STAU2: variants seen among roughly 807,000 people sequenced by gnomAD.
STAU2 encodes staufen double-stranded RNA binding protein 2, also known as double-stranded RNA-binding protein Staufen homolog 2.
STAU2 carries 20 observed loss-of-function variants against 65.9 expected under a neutral mutation model. The observed-to-expected ratio is 0.30, with a 90% CI of 0.21 to 0.44. The LOEUF (loss-of-function observed/expected upper bound fraction) is 0.44. STAU2 is among the 20% of genes least tolerant of loss of function. The probability of loss-of-function intolerance (pLI) is 1.00; values close to 1 mark genes in which losing one functional copy is unlikely to be tolerated. For synonymous variants in STAU2, 232 were observed against 233.9 expected (o/e 0.99, Z 0.07); for missense variants, 558 against 683.9 (o/e 0.82, Z 2.05).
intron 12 of STAU2, 72 bp from the exon 13 acceptor site, chr8:73,552,391 A>C: frequency 1.6e-5 from 22 of 1,345,314 alleles, no homozygotes; most frequent in Non-Finnish European, 1.9e-5. Flanking sequence ...TTATTAACTC[A>C]ATGGCTTTAC....
chr8:73,667,053 C>T (rs1004840651), intron 6 of STAU2, among the ~76,000 whole-genome samples: 5 of 152,170 alleles, frequency 3.3e-5, no homozygotes, highest in Admixed American at 6.5e-5. Flanking sequence ...GCTCCAACTA[C>T]TCTTGTGGTG....
intron 6 of STAU2, among the ~76,000 whole-genome samples, chr8:73,635,596 G>C (rs952673366): frequency 6.6e-5 from 10 of 152,104 alleles, no homozygotes; most frequent in African/African-American, 2.2e-4. Context: ...GGAGGCCAAG[G>C]TGGGTGGATC....
intron 6 of STAU2, among the ~76,000 whole-genome samples, chr8:73,628,637 T>C (rs1004540350): frequency 6.6e-6 from 1 of 152,198 alleles, no homozygotes; most frequent in Non-Finnish European, 1.5e-5. Context: ...AAAATACTTA[T>C]AAAACTTCTA....
At chr8:73,482,550 CAGTA>C (rs1820689613) in intron 13 of STAU2, among the ~76,000 whole-genome samples, 3 of 152,202 alleles carry the variant, frequency 2.0e-5, no homozygotes, top group South Asian at 4.2e-4. Flanking sequence ...TTTTAGGAGA[CAGTA>C]ACAGAAGTGA....
intron 6 of STAU2, among the ~76,000 whole-genome samples, chr8:73,665,746 T>C (rs1342455565): frequency 2.0e-5 from 3 of 152,136 alleles, no homozygotes; most frequent in Non-Finnish European, 2.9e-5. Flanking sequence ...CTGTGGGGAA[T>C]TGTTTCCAGG....
intron 10 of STAU2, among the ~76,000 whole-genome samples, chr8:73,596,168 T>G (rs1350971356): frequency 1.3e-5 from 2 of 152,000 alleles, no homozygotes; most frequent in Non-Finnish European, 2.9e-5. Context: ...TCAACTCTAT[T>G]ATTTCCTAGC....
intron 13 of STAU2, among the ~76,000 whole-genome samples, chr8:73,506,241 A>C (rs559478137): frequency 6.6e-6 from 1 of 152,310 alleles, no homozygotes; most frequent in African/African-American, 2.4e-5. Flanking sequence ...GAACATTTTC[A>C]TCACCACAAA....
At chr8:73,565,144 C>A (rs1255820560) in intron 12 of STAU2, among the ~76,000 whole-genome samples, 1 of 152,202 alleles carries the variant, frequency 6.6e-6, no homozygotes, top group Admixed American at 6.5e-5. Context: ...GGCTCTGAGT[C>A]TGCACCCAAA....
chr8:73,478,503 C>T (rs1339630977), intron 13 of STAU2, among the ~76,000 whole-genome samples: 1 of 151,644 alleles, frequency 6.6e-6, no homozygotes, highest in East Asian at 1.9e-4. Context: ...TTCCCCTCCA[C>T]TTTTTTATAC....
intron 9 of STAU2, among the ~76,000 whole-genome samples, chr8:73,611,764 T>C (rs1450612721): frequency 6.6e-6 from 1 of 151,884 alleles, no homozygotes; most frequent in East Asian, 1.9e-4. Flanking sequence ...CCTCAACCTC[T>C]GCCTCCTAGG....
intron 13 of STAU2, among the ~76,000 whole-genome samples, chr8:73,499,333 G>T (rs1415094595): frequency 1.3e-5 from 2 of 151,852 alleles, no homozygotes; most frequent in Non-Finnish European, 2.9e-5. Flanking sequence ...ATCAAAATGT[G>T]GCTAGTAGTG....
intron 6 of STAU2, among the ~76,000 whole-genome samples, chr8:73,637,038 T>A (rs543437930): frequency 3.1e-3 from 475 of 151,878 alleles, no homozygotes; most frequent in Non-Finnish European, 5.1e-3. Context: ...TGGATAGACA[T>A]AATAGCCAAA....
In STAU2 at chr8:73,683,057, C is replaced by G. The variant is rs146593597; in HGVS notation, c.274+5597G>C. Among the ~76,000 whole-genome samples, 1,129 of 152,222 alleles carry G rather than the reference C, an allele frequency of 7.4e-3. 10 individuals are homozygous for G. The highest frequency in any genetic ancestry group is 0.027 in the Middle Eastern group (8 of 294). The stretch of plus-strand genomic sequence containing the variant: ...TTCAAAAAAAGAACTGGTATTAATC[C>G]TATTGGCACTATTCCAAAAGACAGA... On this transcript the variant is annotated intron_variant, in intron 5 of 14. Transcript: ENST00000524300.
chr8:73,618,371 G>C (rs929006027), intron 6 of STAU2, among the ~76,000 whole-genome samples: 4 of 152,244 alleles, frequency 2.6e-5, no homozygotes, highest in Non-Finnish European at 5.9e-5. Context: ...AAATAAGTTA[G>C]GGAACAAGCC....
intron 6 of STAU2, chr8:73,670,387 G>C (rs1193699985): frequency 6.6e-6 from 1 of 151,924 alleles, no homozygotes; most frequent in Non-Finnish European, 1.5e-5. Context: ...GGGAGAAAAA[G>C]ACGGACTAGA....
At chr8:73,605,016 C>T (rs1811906484) in intron 9 of STAU2, among the ~76,000 whole-genome samples, 1 of 151,728 alleles carries the variant, frequency 6.6e-6, no homozygotes, top group African/African-American at 2.4e-5. Context: ...GAATATTCAT[C>T]AATAAAAGAA....
chr8:73,464,759 T>C (rs1261664979), intron 13 of STAU2, among the ~76,000 whole-genome samples: 1 of 152,178 alleles, frequency 6.6e-6, no homozygotes, highest in Non-Finnish European at 1.5e-5. Context: ...GGAATCCAAA[T>C]TGAATATAGC....
intron 12 of STAU2, among the ~76,000 whole-genome samples, chr8:73,560,091 T>A (rs1808099371): frequency 1.4e-5 from 2 of 145,540 alleles, no homozygotes; most frequent in South Asian, 2.3e-4. Flanking sequence ...TTTTTTTTTT[T>A]TTTTTTTGAG....
At chr8:73,737,714 T>C (rs1806544973) in intron 3 of STAU2, among the ~76,000 whole-genome samples, 1 of 152,056 alleles carries the variant, frequency 6.6e-6, no homozygotes, top group African/African-American at 2.4e-5. Flanking sequence ...AAGTATTTTC[T>C]AACACTATAG....
Sources: allele counts gnomAD v4.1 joint callset (sites outside exome capture counted in the v4.1 genomes callset), GRCh38; gene constraint gnomAD v4.1.1; transcripts MANE v1.5; gene names NCBI Gene and HGNC (gene_info 2026-07-23, HGNC 2026-07-21).